Variants in RAPH1 observed in about 807,000 individuals in gnomAD.
RAPH1 encodes the protein Ras association (RalGDS/AF-6) and pleckstrin homology domains 1, also known as ras-associated and pleckstrin homology domains-containing protein 1.
RAPH1 carries 18 observed loss-of-function variants against 88.1 expected under a neutral mutation model. That is an observed-to-expected ratio of 0.20 (90% confidence interval 0.14 to 0.30). The LOEUF is 0.30. Ranked by LOEUF, RAPH1 falls within the 10% of genes least tolerant of loss-of-function variation. The pLI, the probability that RAPH1 is intolerant of heterozygous loss-of-function variation, is 1.00. For missense variants in RAPH1, 1,448 were observed against 1,543.2 expected, an observed-to-expected ratio of 0.94 and a Z score of 1.03; for synonymous variants, 587 against 559.0, an observed-to-expected ratio of 1.05 and a Z score of -0.71.
chr2:203,497,276 G>A (rs1688559386), intron 1 of RAPH1, among the ~76,000 whole-genome samples: 1 of 152,158 alleles, frequency 6.6e-6, no homozygotes, highest in African/African-American at 2.4e-5. Context: ...CCAGCCTCCA[G>A]AATAGTAAGA....
chr2:203,489,154 A>T (rs1352906702), intron 4 of RAPH1, among the ~76,000 whole-genome samples: 1 of 150,284 alleles, frequency 6.7e-6, no homozygotes, highest in Non-Finnish European at 1.5e-5. Context: ...AAAAAGGAGA[A>T]AAAAAAAAAG....
intron 1 of RAPH1, among the ~76,000 whole-genome samples, chr2:203,504,670 TAAAAA>T (rs566237475): frequency 2.1e-5 from 3 of 141,160 alleles, no homozygotes; most frequent in South Asian, 2.3e-4. Flanking sequence ...GAATTTCTCC[TAAAAA>T]AAAAAAAAAA....
intron 4 of RAPH1, among the ~76,000 whole-genome samples, chr2:203,479,654 T>C (rs150287095): frequency 2.1e-3 from 312 of 151,534 alleles, no homozygotes; most frequent in African/African-American, 7.2e-3. Context: ...AAGAGATGAT[T>C]GCCTATGTTA....
chr2:203,492,775 T>C (rs1581353845), intron 2 of RAPH1, among the ~76,000 whole-genome samples: 1 of 17,170 alleles, frequency 5.8e-5, no homozygotes, highest in Admixed American at 6.3e-4. Context: ...TAATGCTATC[T>C]TTTTTTTTTT....
rs58295102 is a variant in RAPH1, at chr2:203,526,790, C to CTT, written c.-1+8319_-1+8320dup. On this transcript the variant is annotated intron_variant, in intron 1 of 13. Coordinates refer to ENST00000319170, the MANE Select transcript of RAPH1 (RefSeq NM_213589.3). Reference sequence around the variant, plus strand: ...CTCATTATTAACAATTTTTCTTTTTCTTTTTTTTTTTTGAGACAGAGTCTC... The same window carrying CTT: ...CTCATTATTAACAATTTTTCTTTTTCTTTTTTTTTTTTTTGAGACAGAGTCTC... Among the ~76,000 whole-genome samples, 112 of 137,052 alleles carry CTT rather than the reference C, an allele frequency of 8.2e-4. 1 individual carries two copies. The highest frequency in any genetic ancestry group is 3.8e-3 in the Middle Eastern group (1 of 266). 89.9% of individuals were successfully genotyped at this position (137,052 alleles called of 152,430 possible). A position where few individuals can be genotyped will look rare whatever the true frequency, so the allele number is the denominator to read the frequency against.
At chr2:203,532,026 G>C (rs535254033) in intron 1 of RAPH1, among the ~76,000 whole-genome samples, 1 of 152,286 alleles carries the variant, frequency 6.6e-6, no homozygotes, top group Admixed American at 6.5e-5. Flanking sequence ...ACATACAACG[G>C]AATATTAATC....
At chr2:203,451,922 G>C (rs951168621) in intron 10 of RAPH1, among the ~76,000 whole-genome samples, 2 of 152,212 alleles carry the variant, frequency 1.3e-5, no homozygotes, top group Non-Finnish European at 2.9e-5. Context: ...TAACTTCTGT[G>C]AAATAGTTCC....
intron 1 of RAPH1, among the ~76,000 whole-genome samples, chr2:203,508,654 T>G (rs760474008): frequency 6.6e-6 from 1 of 152,132 alleles, no homozygotes; most frequent in Non-Finnish European, 1.5e-5. Flanking sequence ...TGCAAACCTG[T>G]GTTGTTCAAG....
chr2:203,505,449 C>CG (rs879463339), intron 1 of RAPH1, among the ~76,000 whole-genome samples: 1 of 151,906 alleles, frequency 6.6e-6, no homozygotes. Context: ...TTACCCCCCC[C>CG]GGGTCCCTCC....
rs1016001172 is a variant in RAPH1 at position 203,510,794 on chromosome 2, A to C, written c.1-15441T>G. On this transcript the variant is annotated intron_variant, in intron 1 of 13. Coordinates refer to ENST00000319170, the MANE Select transcript of RAPH1 (RefSeq NM_213589.3). ...GAATGTAATAAAACTCACTGAGTGT[A>C]CACTTTAAAAGAGTAAATGTTTGGG... 2.0e-5 allele frequency among the ~76,000 whole-genome samples: 3 copies of C among 152,172 alleles called. No homozygotes were observed. In the East Asian group the frequency reaches 5.8e-4, roughly 29 times the overall value.
At chr2:203,452,395 T>A (rs1462673380) in intron 10 of RAPH1, among the ~76,000 whole-genome samples, 2 of 152,234 alleles carry the variant, frequency 1.3e-5, no homozygotes, top group African/African-American at 4.8e-5. Context: ...ATCTTTCTCC[T>A]CAGGGATGAG....
intron 1 of RAPH1, among the ~76,000 whole-genome samples, chr2:203,522,084 T>C (rs2105969829): frequency 6.6e-6 from 1 of 152,326 alleles, no homozygotes; most frequent in African/African-American, 2.4e-5. Flanking sequence ...TCTTTAAAGA[T>C]TGGCCTCTTT....
intron 3 of RAPH1, 50 bp downstream of exon 3, chr2:203,491,164 T>C (rs373376339): frequency 9.4e-5 from 119 of 1,259,260 alleles, no homozygotes; most frequent in Non-Finnish European, 1.2e-4. Context: ...TGCTCCTACA[T>C]TGTGTGACTT....
chr2:203,440,903 G>C lies in RAPH1; in HGVS notation c.2287C>G (p.Pro763Ala). ...QHITQVAPPTPPPPPPIPAPL... is the reference protein window; with the variant it reads ...QHITQVAPPTAPPPPPIPAPL... ...GCAGGGATAGGAGGAGGTGGGGGGGGTGTTGGGGGAGCCACCTGAGTAATA... is the reference window on the plus strand; with the variant it reads ...GCAGGGATAGGAGGAGGTGGGGGGGCTGTTGGGGGAGCCACCTGAGTAATA... Residue 763 changes from proline to alanine, a missense_variant, in exon 14 of 14, where the codon CCC becomes GCC. Coordinates refer to ENST00000319170, the MANE Select transcript of RAPH1 (RefSeq NM_213589.3). 2.1e-6 allele frequency: 3 copies of C among 1,458,314 alleles called. No individual in the cohort carries two copies. The highest frequency in any genetic ancestry group is 3.0e-5 in the African/African-American group (2 of 67,164). 90.3% of individuals were successfully genotyped at this position (1,458,314 alleles called of 1,614,324 possible).
intron 1 of RAPH1, among the ~76,000 whole-genome samples, chr2:203,500,200 G>C (rs1010798737): frequency 3.9e-5 from 6 of 152,176 alleles, no homozygotes; most frequent in Non-Finnish European, 2.9e-5. Flanking sequence ...CTATAAAAGA[G>C]GTATGTTAAG....
chr2:203,488,627 T>G (rs1328371804), intron 4 of RAPH1, among the ~76,000 whole-genome samples: 3 of 139,104 alleles, frequency 2.2e-5, no homozygotes, highest in Non-Finnish European at 4.6e-5. Flanking sequence ...AACCTGTTTA[T>G]GAACAACTTT....
intron 2 of RAPH1, among the ~76,000 whole-genome samples, chr2:203,492,059 C>T (rs1204959028): frequency 1.3e-5 from 2 of 151,796 alleles, no homozygotes; most frequent in Non-Finnish European, 2.9e-5. Flanking sequence ...CGGGGCGAAA[C>T]CCCATCTCTA....
intron 1 of RAPH1, among the ~76,000 whole-genome samples, chr2:203,513,723 T>C (rs1689467937): frequency 6.8e-6 from 1 of 147,032 alleles, no homozygotes; most frequent in African/African-American, 2.5e-5. Context: ...TAATACCAGC[T>C]ACTCGGGAGG....
At chr2:203,441,963 C>T (rs1174329226) in intron 13 of RAPH1, 1 of 1,475,708 alleles carries the variant, frequency 6.8e-7, no homozygotes, top group Non-Finnish European at 8.9e-7. Context: ...CGTGCACAGT[C>T]ACACAGGAAT....
Sources: allele counts gnomAD v4.1 joint callset (sites outside exome capture counted in the v4.1 genomes callset), GRCh38; gene constraint gnomAD v4.1.1; transcripts MANE v1.5; gene names NCBI Gene and HGNC (gene_info 2026-07-23, HGNC 2026-07-21).